The following LMX1A variants were observed in gnomAD, a reference collection of about 807,000 sequenced individuals.
LMX1A encodes LIM homeobox transcription factor 1-alpha.
A neutral mutation model predicts 49.1 loss-of-function variants in LMX1A; 15 were observed. The observed-to-expected ratio is 0.31, with a 90% CI of 0.20 to 0.47. The LOEUF (loss-of-function observed/expected upper bound fraction) is 0.47, where lower values mean the gene tolerates loss of function less well. LMX1A is among the 20% of genes least tolerant of loss of function. The probability of loss-of-function intolerance (pLI) is 1.00; values close to 1 mark genes in which losing one functional copy is unlikely to be tolerated. For synonymous variants in LMX1A, 167 were observed against 185.7 expected (o/e 0.90, Z 0.82); for missense variants, 372 against 475.8 (o/e 0.78, Z 2.03).
At chr1:165,287,310 G>T (rs1191074761) in intron 3 of LMX1A, among the ~76,000 whole-genome samples, 3 of 152,034 alleles carry the variant, frequency 2.0e-5, no homozygotes, top group Non-Finnish European at 4.4e-5. Context: ...TTCTCTAAAG[G>T]ACTAAAAAAA....
At chr1:165,221,582 AG>A (rs1410945325) in intron 4 of LMX1A, among the ~76,000 whole-genome samples, 1 of 152,022 alleles carries the variant, frequency 6.6e-6, no homozygotes, top group Non-Finnish European at 1.5e-5. Flanking sequence ...TCCACTGCAG[AG>A]GGGGGTTTCT....
chr1:165,248,984 A>C (rs530852481), intron 4 of LMX1A, among the ~76,000 whole-genome samples: 61 of 152,334 alleles, frequency 4.0e-4, no homozygotes, highest in African/African-American at 1.4e-3. Context: ...TCAGAAGATC[A>C]TGCCCTGCAG....
intron 3 of LMX1A, among the ~76,000 whole-genome samples, chr1:165,312,310 C>G (rs1200896554): frequency 6.6e-6 from 1 of 152,240 alleles, no homozygotes; most frequent in Non-Finnish European, 1.5e-5. Context: ...AAGTCCAGCT[C>G]TGCCCCTATT....
chr1:165,237,377 C>A (rs11809567), intron 4 of LMX1A, among the ~76,000 whole-genome samples: 37,389 of 152,066 alleles, frequency 0.25, 5,037 homozygotes, highest in African/African-American at 0.37. Context: ...GTGCCCACCA[C>A]CACACCCGGC....
intron 3 of LMX1A, among the ~76,000 whole-genome samples, chr1:165,327,114 T>G (rs1655608763): frequency 6.6e-6 from 1 of 152,078 alleles, no homozygotes; most frequent in Non-Finnish European, 1.5e-5. Flanking sequence ...TTGGTAGGTT[T>G]GAGATCCAGA....
chr1:165,208,004 C>A, intron 7 of LMX1A, 59 bp downstream of exon 7: 1 of 1,485,288 alleles, frequency 6.7e-7, no homozygotes, highest in Non-Finnish European at 9.3e-7. Flanking sequence ...AGTGGGAGGC[C>A]TCTGGTAGGA....
chr1:165,335,863 C>A (rs115734374), intron 3 of LMX1A, among the ~76,000 whole-genome samples: 4,127 of 151,394 alleles, frequency 0.027, 201 homozygotes, highest in African/African-American at 0.094. Flanking sequence ...GCTTTTACAT[C>A]CTTTTAAAAT....
At chr1:165,267,723 G>T (rs1653670366) in intron 3 of LMX1A, among the ~76,000 whole-genome samples, 2 of 152,150 alleles carry the variant, frequency 1.3e-5, no homozygotes, top group Non-Finnish European at 2.9e-5. Context: ...CAACTCAAGT[G>T]AATATTTCAA....
chr1:165,323,871 T>C (rs1214839037), intron 3 of LMX1A, among the ~76,000 whole-genome samples: 1 of 152,250 alleles, frequency 6.6e-6, no homozygotes, highest in African/African-American at 2.4e-5. Flanking sequence ...TTTGACTTGT[T>C]TCTTTTAGTT....
intron 3 of LMX1A, among the ~76,000 whole-genome samples, chr1:165,306,298 C>T (rs1654919230): frequency 6.6e-6 from 1 of 152,176 alleles, no homozygotes; most frequent in Non-Finnish European, 1.5e-5. Context: ...TTTCCCTCTT[C>T]CACTTAGGTT....
At chr1:165,251,408 T>A (rs937636676) in intron 3 of LMX1A, among the ~76,000 whole-genome samples, 4 of 152,118 alleles carry the variant, frequency 2.6e-5, no homozygotes, top group Admixed American at 1.3e-4. Context: ...CACGGTAATA[T>A]CCAAGTTCTG....
intron 3 of LMX1A, among the ~76,000 whole-genome samples, chr1:165,299,246 G>C (rs1654707632): frequency 6.6e-6 from 1 of 152,212 alleles, no homozygotes; most frequent in East Asian, 1.9e-4. Context: ...ATGTTTGAGA[G>C]TAAAATGAAA....
At chr1:165,272,580 G>A (rs887453525) in intron 3 of LMX1A, among the ~76,000 whole-genome samples, 7 of 152,164 alleles carry the variant, frequency 4.6e-5, no homozygotes, top group Admixed American at 2.0e-4. Context: ...CCATAGTGGC[G>A]ATTTGGGAGG....
chr1:165,304,779 T>C (rs1025533343), intron 3 of LMX1A, among the ~76,000 whole-genome samples: 2 of 152,134 alleles, frequency 1.3e-5, no homozygotes, highest in South Asian at 2.1e-4. Flanking sequence ...ACTTCTTTTT[T>C]CTCCCTGGTG....
rs769504464 is a variant in LMX1A at position 165,213,754 on chromosome 1, C to A, written c.556G>T (p.Ala186Ser). ...KSAHGAGKGT[A>S]EEGKDHKRPK... Reference sequence around the variant, plus strand: ...CGCTTATGGTCCTTGCCTTCCTCAGCAGTTCCTTTCCCTGCCCCATGGGCT... The same window carrying A: ...CGCTTATGGTCCTTGCCTTCCTCAGAAGTTCCTTTCCCTGCCCCATGGGCT... Residue 186 changes from alanine to serine, a missense_variant, in exon 5 of 9, where the codon GCT becomes TCT. Coordinates refer to ENST00000342310, the MANE Select transcript of LMX1A (RefSeq NM_177398.4). 4 of 1,614,106 alleles carry A rather than the reference C, an allele frequency of 2.5e-6. No individual in the cohort carries two copies. The highest frequency in any genetic ancestry group is 1.7e-4 in the Middle Eastern group (1 of 6,056).
intron 5 of LMX1A, among the ~76,000 whole-genome samples, chr1:165,212,001 G>T (rs1370928893): frequency 2.0e-5 from 3 of 152,204 alleles, no homozygotes. Flanking sequence ...ATACATGGAA[G>T]AAGTAAATAA....
At chr1:165,286,965 C>T (rs1240295815) in intron 3 of LMX1A, among the ~76,000 whole-genome samples, 1 of 152,150 alleles carries the variant, frequency 6.6e-6, no homozygotes, top group African/African-American at 2.4e-5. Flanking sequence ...TTAATTCATC[C>T]ATCTCTCTGC....
chr1:165,277,077 C>T (rs1442753175), intron 3 of LMX1A, among the ~76,000 whole-genome samples: 1 of 152,222 alleles, frequency 6.6e-6, no homozygotes, highest in Non-Finnish European at 1.5e-5. Context: ...GGTGCAAGAG[C>T]ACAACAGCTC....
intron 4 of LMX1A, among the ~76,000 whole-genome samples, chr1:165,227,406 T>A (rs1652073255): frequency 6.6e-6 from 1 of 152,162 alleles, no homozygotes; most frequent in Non-Finnish European, 1.5e-5. Flanking sequence ...CTGGGTATGT[T>A]GGCACACACC....
Sources: gnomAD v4.1 joint callset for allele counts (sites outside exome capture counted in the v4.1 genomes callset) on GRCh38, gnomAD v4.1.1 for gene constraint, MANE v1.5 for transcripts, NCBI Gene and HGNC (gene_info 2026-07-23, HGNC 2026-07-21) for gene names.